Variants in RERE observed in about 807,000 individuals in gnomAD.
The protein encoded by RERE is arginine-glutamic acid dipeptide repeats protein.
In RERE, 40 loss-of-function variants were observed where a neutral mutation model predicts 146.1. That is an observed-to-expected ratio of 0.27 (90% CI 0.21 to 0.36). The LOEUF (loss-of-function observed/expected upper bound fraction) is 0.36. Ranked by LOEUF, RERE falls within the 10% of genes least tolerant of loss-of-function variation. RERE has a pLI of 1.00. For synonymous variants in RERE, 1,003 were observed against 866.0 expected, an observed-to-expected ratio of 1.16 and a Z score of -2.78; for missense variants, 1,933 against 2,138.7, an observed-to-expected ratio of 0.90 and a Z score of 1.90.
chr1:8,650,234 T>C (rs551574071), intron 2 of RERE, among the ~76,000 whole-genome samples: 1 of 152,350 alleles, frequency 6.6e-6, no homozygotes, highest in South Asian at 2.1e-4. Flanking sequence ...TAAGATCACA[T>C]GCTTCTAAAC....
intron 4 of RERE, among the ~76,000 whole-genome samples, chr1:8,568,074 G>A (rs771423979): frequency 1.3e-5 from 2 of 152,170 alleles, no homozygotes; most frequent in Admixed American, 6.5e-5. Context: ...AGCCTGTGTG[G>A]GAAGATCTGC....
intron 12 of RERE, among the ~76,000 whole-genome samples, chr1:8,370,303 A>C (rs1055339388): frequency 6.6e-6 from 1 of 151,982 alleles, no homozygotes; most frequent in African/African-American, 2.4e-5. Flanking sequence ...GATCACAAAA[A>C]CCAAACTAGC....
rs139518287 is a variant in RERE at position 8,404,540 on chromosome 1, G to A, written c.1284+18187C>T. Among the ~76,000 whole-genome samples the A allele has an allele frequency of 2.1e-4, 32 of 152,286 alleles. No homozygotes were observed. The East Asian group carries it at 5.4e-3, about 26-fold the overall frequency. Reference sequence around the variant, plus strand: ...CCCAAAGTGCTGAGACTACAGGTTCGTGAGCCTGGCCAAAATCTTAGCTTT... The same window carrying A: ...CCCAAAGTGCTGAGACTACAGGTTCATGAGCCTGGCCAAAATCTTAGCTTT... On this transcript the variant is annotated intron_variant, in intron 12 of 22. Coordinates refer to ENST00000400908, the MANE Select transcript of RERE (RefSeq NM_001042681.2).
intron 1 of RERE, among the ~76,000 whole-genome samples, chr1:8,800,540 A>C (rs1641568071): frequency 6.6e-6 from 1 of 152,162 alleles, no homozygotes; most frequent in Non-Finnish European, 1.5e-5. Context: ...TGTAGGAGCC[A>C]GGCACTGTGG....
intron 6 of RERE, among the ~76,000 whole-genome samples, chr1:8,542,304 C>G (rs1481608208): frequency 1.3e-5 from 2 of 152,136 alleles, no homozygotes; most frequent in African/African-American, 4.8e-5. Flanking sequence ...AAAAGCCGTG[C>G]AGCATACTTC....
rs979449175 is a variant in RERE at position 8,476,090 on chromosome 1, G to A, written c.1105-10067C>T. 1.4e-4 allele frequency among the ~76,000 whole-genome samples: 21 copies of A among 152,124 alleles called. 1 individual carries two copies. The highest frequency in any genetic ancestry group is 4.6e-4 in the African/African-American group (19 of 41,408). On this transcript the variant is annotated intron_variant, in intron 10 of 22. Coordinates refer to ENST00000400908, the MANE Select transcript of RERE (RefSeq NM_001042681.2). ...AACTACAATGTTCCAGGAATTATGC[G>A]CCAGCCCTGGAGTCACATGGAAGAA...
chr1:8,564,496 T>C (rs984203065), intron 4 of RERE, among the ~76,000 whole-genome samples: 3 of 152,196 alleles, frequency 2.0e-5, no homozygotes, highest in African/African-American at 7.2e-5. Context: ...CAAAAAGTTA[T>C]GGATTTTCAA....
chr1:8,472,321 G>A (rs889489954), intron 10 of RERE, among the ~76,000 whole-genome samples: 8 of 152,092 alleles, frequency 5.3e-5, no homozygotes, highest in East Asian at 1.9e-4. Context: ...AAAACATTAC[G>A]TAGATTTCAA....
At chr1:8,816,449 T>C (rs1394581799) in intron 1 of RERE, among the ~76,000 whole-genome samples, 3 of 152,126 alleles carry the variant, frequency 2.0e-5, no homozygotes, top group Non-Finnish European at 4.4e-5. Flanking sequence ...AAAATGACAA[T>C]TCAACAATGA....
At chr1:8,590,616 A>G (rs1469973322) in intron 4 of RERE, among the ~76,000 whole-genome samples, 2 of 152,210 alleles carry the variant, frequency 1.3e-5, no homozygotes, top group Non-Finnish European at 2.9e-5. Context: ...TCTGGTACCT[A>G]TGCTGCTGGA....
In RERE at chr1:8,360,379, C is replaced by T. The variant is rs1206843789; in HGVS notation, c.3128G>A (p.Gly1043Asp). ...GGTCGGAGGGGTGATGGGAGGAGGG[C>T]CTCCAGGGACAAAGGGGTGCTGAGC... ...PFAQHPFVPG[G>D]PPPITPPTCP... The change falls in exon 18 of 23, where the codon GGC becomes GAC. Residue 1043 changes from glycine (G) to aspartate (D), a missense_variant. This residue lies in a region of RERE where 1,255 missense variants were observed against 1,153.8 expected (regional missense o/e 1.09). Coordinates refer to ENST00000400908, the MANE Select transcript of RERE (RefSeq NM_001042681.2). The T allele has an allele frequency of 6.9e-7, 1 of 1,441,834 alleles. No individual in the cohort carries two copies. The highest frequency in any genetic ancestry group is 1.4e-5 in the South Asian group (1 of 69,070). 89.3% of individuals were successfully genotyped at this position (1,441,834 alleles called of 1,614,324 possible).
chr1:8,382,499 T>C (rs887456850), intron 12 of RERE, among the ~76,000 whole-genome samples: 1 of 152,246 alleles, frequency 6.6e-6, no homozygotes, highest in Non-Finnish European at 1.5e-5. Context: ...AGAAAAACAA[T>C]GAACAAACAT....
At chr1:8,694,122 A>G (rs1297192203) in intron 1 of RERE, among the ~76,000 whole-genome samples, 1 of 151,956 alleles carries the variant, frequency 6.6e-6, no homozygotes, top group Admixed American at 6.6e-5. Flanking sequence ...AGGAAGTGCT[A>G]GCCAGAGCAA....
intron 1 of RERE, among the ~76,000 whole-genome samples, chr1:8,775,672 T>C (rs1160753903): frequency 6.6e-6 from 1 of 152,232 alleles, no homozygotes; most frequent in Non-Finnish European, 1.5e-5. Context: ...ATACACATGG[T>C]GGTTATTTCA....
chr1:8,392,921 C>T (rs940585790), intron 12 of RERE, among the ~76,000 whole-genome samples: 3 of 152,132 alleles, frequency 2.0e-5, no homozygotes, highest in African/African-American at 7.2e-5. Flanking sequence ...CAAGGGTTTC[C>T]ATTTCATAGA....
intron 7 of RERE, among the ~76,000 whole-genome samples, chr1:8,529,287 C>CTTCTTTTTTTTTTTTTTTT (rs1382281413): frequency 3.9e-5 from 4 of 102,442 alleles, no homozygotes; most frequent in African/African-American, 1.5e-4. Flanking sequence ...GTTCTCCCTT[C>CTTCTTTTTTTTTTTTTTTT]TTTTTTTTTT....
intron 10 of RERE, among the ~76,000 whole-genome samples, chr1:8,475,595 T>A (rs1644745734): frequency 6.7e-6 from 1 of 148,778 alleles, no homozygotes; most frequent in African/African-American, 2.5e-5. Context: ...GGCAGAAGAA[T>A]CTCTTGAACC....
At chr1:8,526,651 A>T (rs985545567) in intron 7 of RERE, among the ~76,000 whole-genome samples, 11 of 152,320 alleles carry the variant, frequency 7.2e-5, no homozygotes, top group Admixed American at 5.2e-4. Context: ...TAAATAAAAC[A>T]TTCCCCAAAT....
At chr1:8,734,431 C>T (rs1640153178) in intron 1 of RERE, among the ~76,000 whole-genome samples, 1 of 152,122 alleles carries the variant, frequency 6.6e-6, no homozygotes, top group Non-Finnish European at 1.5e-5. Context: ...TGCTTAAAAT[C>T]CTTTAATATT....
Sources: gnomAD v4.1 joint callset for allele counts (sites outside exome capture counted in the v4.1 genomes callset) on GRCh38, gnomAD v4.1.1 for gene constraint, gnomAD v4.1.1 regional missense constraint, MANE v1.5 for transcripts, NCBI Gene and HGNC (gene_info 2026-07-23, HGNC 2026-07-21) for gene names.